Variants in TMPRSS11A observed in about 807,000 individuals in gnomAD.
TMPRSS11A encodes the protein transmembrane serine protease 11A, also known as transmembrane protease serine 11A.
TMPRSS11A carries 53 observed loss-of-function variants against 58.9 expected under a neutral mutation model. That is an observed-to-expected ratio of 0.90 (90% CI 0.72 to 1.13). The LOEUF (loss-of-function observed/expected upper bound fraction) is 1.13, where lower values mean the gene tolerates loss of function less well. Ranked by LOEUF, TMPRSS11A falls within the 50% of genes most tolerant of loss-of-function variation. The pLI is 0.00. For missense variants in TMPRSS11A, 493 were observed against 499.3 expected (o/e 0.99, Z 0.12); for synonymous variants, 167 against 169.8 (o/e 0.98, Z 0.13).
At chr4:67,913,922 C>A (rs1720072922) in intron 9 of TMPRSS11A, among the ~76,000 whole-genome samples, 1 of 152,198 alleles carries the variant, frequency 6.6e-6, no homozygotes, top group Non-Finnish European at 1.5e-5. Context: ...AAGAAACGTA[C>A]CTTCGCTGGA....
At chr4:67,944,980 G>A (rs1560572001) in intron 2 of TMPRSS11A, among the ~76,000 whole-genome samples, 1 of 152,146 alleles carries the variant, frequency 6.6e-6, no homozygotes, top group Non-Finnish European at 1.5e-5. Flanking sequence ...GCCTGTCCAA[G>A]TTTTAAATCC....
intron 5 of TMPRSS11A, 148 bp from the exon 6 acceptor site, chr4:67,924,314 C>T (rs1720409632): frequency 1.4e-6 from 1 of 723,158 alleles, no homozygotes; most frequent in African/African-American, 1.8e-5. Context: ...TCTGATATAA[C>T]AACATCTGTG....
intron 2 of TMPRSS11A, 84 bp from the exon 3 acceptor site, chr4:67,944,721 T>C: frequency 2.7e-6 from 3 of 1,113,382 alleles, no homozygotes; most frequent in Non-Finnish European, 3.9e-6. Flanking sequence ...ATATAAATCT[T>C]GAATATGTCC....
At chr4:67,961,470 T>C in intron 1 of TMPRSS11A, among the ~76,000 whole-genome samples, 1 of 147,738 alleles carries the variant, frequency 6.8e-6, no homozygotes, top group African/African-American at 2.5e-5. Flanking sequence ...TTCTTTCCTT[T>C]CCTTTTCTTT....
At chr4:67,913,487 G>A (rs1720056719) in intron 9 of TMPRSS11A, among the ~76,000 whole-genome samples, 3 of 152,086 alleles carry the variant, frequency 2.0e-5, no homozygotes, top group African/African-American at 7.2e-5. Context: ...TGCACAGTTA[G>A]GCAGCAAGTT....
At chr4:67,961,573 A>G (rs1238043021) in intron 1 of TMPRSS11A, among the ~76,000 whole-genome samples, 19 of 324 alleles carry the variant, frequency 0.059, no homozygotes, top group African/African-American at 0.062. Flanking sequence ...GTGTAGTGGC[A>G]TGATTTGGCT....
chr4:67,918,924 T>C (rs773165442), intron 8 of TMPRSS11A, 49 bp downstream of exon 8: 15 of 1,591,594 alleles, frequency 9.4e-6, no homozygotes, highest in Non-Finnish European at 1.2e-5. Flanking sequence ...TGAAATCACA[T>C]TGCCTTAGAC....
At chr4:67,951,549 T>C (rs767079370) in intron 1 of TMPRSS11A, among the ~76,000 whole-genome samples, 6 of 151,682 alleles carry the variant, frequency 4.0e-5, no homozygotes, top group Non-Finnish European at 8.8e-5. Context: ...GCTTTTGTCA[T>C]TTTATCTCTA....
At chr4:67,950,364 C>T (rs1030596137) in intron 1 of TMPRSS11A, among the ~76,000 whole-genome samples, 2 of 152,374 alleles carry the variant, frequency 1.3e-5, no homozygotes, top group Admixed American at 6.5e-5. Context: ...CCATCTCCTT[C>T]TTCAAAGCCA....
chr4:67,917,499 G>T lies in TMPRSS11A; in HGVS notation c.952+1474C>A, dbSNP rs552469524. ...AATTTTAAAAAACTTCTTAAGGTTTGCTTTACAGACTTGAATATAGCCTCT... is the reference window on the plus strand; with the variant it reads ...AATTTTAAAAAACTTCTTAAGGTTTTCTTTACAGACTTGAATATAGCCTCT... On this transcript the variant is annotated intron_variant, in intron 8 of 9. Transcript: ENST00000508048. 2.0e-5 allele frequency among the ~76,000 whole-genome samples: 3 copies of T among 152,242 alleles called. No homozygotes were observed. In the South Asian group the frequency reaches 6.2e-4, roughly 32 times the overall value.
chr4:67,914,585 T>C lies in TMPRSS11A; in HGVS notation c.1095+3A>G. Reference sequence around the variant, plus strand: ...GTAATATAAAAAAATCCCTCCAACTTACCCTGCAGGCATCATAAATTCCTT... The same window carrying C: ...GTAATATAAAAAAATCCCTCCAACTCACCCTGCAGGCATCATAAATTCCTT... On this transcript the variant is annotated splice_donor_region_variant and intron_variant, in intron 9 of 9. Transcript: ENST00000508048. The C allele has an allele frequency of 6.2e-7, 1 of 1,612,710 alleles. No individual in the cohort carries two copies. Among genetic ancestry groups the C allele is most frequent in the Non-Finnish European group, 8.5e-7 (1 of 1,179,428 alleles).
rs977308165 is a variant in TMPRSS11A, at chr4:67,963,310, T to C, written c.11+73A>G. ...CAAAGACACCTCACTAGCAGTCCTC[T>C]TACACATCAGGAATCCGGCCACTGA... is the stretch of plus-strand genomic sequence containing the variant. On this transcript the variant is annotated intron_variant, in intron 1 of 9. Transcript: ENST00000508048. The C allele has an allele frequency of 3.9e-6, 6 of 1,538,662 alleles. No individual in the cohort carries two copies. The African/African-American group carries it at 8.2e-5, about 21-fold the overall frequency.
chr4:67,961,482 CCTTTTTTTTTTTTT>C lies in TMPRSS11A; in HGVS notation c.11+1887_11+1900del, dbSNP rs1721419776. ...CTTTTCTTTCCTTTCCTTTTCTTTT[CCTTTTTTTTTTTTT>C]TTTTTTTTTTTTTTTTTTTTTTTTT... On this transcript the variant is annotated intron_variant, in intron 1 of 9. Transcript: ENST00000508048. Among the ~76,000 whole-genome samples, 388 of 102,406 alleles carry C rather than the reference CCTTTTTTTTTTTTT, an allele frequency of 3.8e-3. 5 individuals carry two copies. Among genetic ancestry groups the C allele is most frequent in the African/African-American group, 0.01 (216 of 20,968 alleles). 67.2% of individuals were successfully genotyped at this position (102,406 alleles called of 152,430 possible).
intron 9 of TMPRSS11A, 71 bp from the exon 10 acceptor site, chr4:67,911,574 G>T: frequency 7.7e-7 from 1 of 1,291,814 alleles, no homozygotes; most frequent in Non-Finnish European, 1.1e-6. Context: ...AAGATATTTT[G>T]ATGAATCACA....
At chr4:67,945,352 G>A (rs919558015) in intron 2 of TMPRSS11A, among the ~76,000 whole-genome samples, 7 of 152,168 alleles carry the variant, frequency 4.6e-5, no homozygotes, top group African/African-American at 1.7e-4. Flanking sequence ...CAATCCTTGA[G>A]AAGCCTGGCT....
intron 9 of TMPRSS11A, 75 bp downstream of exon 9, chr4:67,914,513 T>C: frequency 7.2e-7 from 1 of 1,384,414 alleles, no homozygotes; most frequent in Non-Finnish European, 1.0e-6. Flanking sequence ...TGTCCTTATG[T>C]AAAGAACATA....
At chr4:67,912,148 T>A (rs1361945520) in intron 9 of TMPRSS11A, among the ~76,000 whole-genome samples, 3 of 152,084 alleles carry the variant, frequency 2.0e-5, no homozygotes, top group Non-Finnish European at 4.4e-5. Context: ...ATGTGGATAG[T>A]TTTCTATGTA....
chr4:67,933,104 AACACACACACAC>A lies in TMPRSS11A; in HGVS notation c.253-1056_253-1045del, dbSNP rs34906854. 3.7e-4 allele frequency among the ~76,000 whole-genome samples: 55 copies of A among 150,272 alleles called. No individual in the cohort carries two copies. In the East Asian group the frequency reaches 6.3e-3, roughly 17 times the overall value. On this transcript the variant is annotated intron_variant, in intron 3 of 9. Transcript: ENST00000508048. ...AAGAAAAACCAACTTGCATGACTGAAACACACACACACACACACACACACAAATATAGGGAAA... is the reference window on the plus strand; with the variant it reads ...AAGAAAAACCAACTTGCATGACTGAAACACACACACACAAATATAGGGAAA...
intron 1 of TMPRSS11A, among the ~76,000 whole-genome samples, chr4:67,957,854 G>T (rs1489978009): frequency 6.6e-6 from 1 of 152,100 alleles, no homozygotes; most frequent in African/African-American, 2.4e-5. Flanking sequence ...CATGGGCCAG[G>T]TCCAGGGTCC....
Sources: allele counts gnomAD v4.1 joint callset (sites outside exome capture counted in the v4.1 genomes callset), GRCh38; gene constraint gnomAD v4.1.1; transcripts MANE v1.5; gene names NCBI Gene and HGNC (gene_info 2026-07-23, HGNC 2026-07-21).